The following C8orf34 variants were observed in gnomAD, a reference collection of about 807,000 sequenced individuals.
C8orf34 encodes uncharacterized protein C8orf34.
Under a neutral mutation model 68.3 loss-of-function variants are expected in C8orf34, and 65 were observed. That is an observed-to-expected ratio of 0.95 (90% confidence interval 0.78 to 1.17). C8orf34 has a LOEUF of 1.17. C8orf34 is among the 50% of genes most tolerant of loss of function. The pLI, the probability that C8orf34 is intolerant of heterozygous loss-of-function variation, is 0.00. For synonymous variants in C8orf34, 244 were observed against 241.2 expected (o/e 1.01, Z -0.11); for missense variants, 664 against 655.4 (o/e 1.01, Z -0.14).
In C8orf34 at chr8:68,539,378, GTAAT is replaced by G. The variant is rs566471394; in HGVS notation, c.1105+6235_1105+6238del. ...CGTGGTTGAAAATGTGCAAAGAAGTGTAATTAATTCAGCACTTGGTTGCATTTTA... is the reference window on the plus strand; with the variant it reads ...CGTGGTTGAAAATGTGCAAAGAAGTGTAATTCAGCACTTGGTTGCATTTTA... On this transcript the variant is annotated intron_variant, in intron 7 of 13. Transcript: ENST00000518698. 3.8e-3 allele frequency among the ~76,000 whole-genome samples: 578 copies of G among 152,244 alleles called. 2 individuals carry two copies. The highest frequency in any genetic ancestry group is 0.013 in the African/African-American group (557 of 41,538).
intron 5 of C8orf34, among the ~76,000 whole-genome samples, chr8:68,519,759 C>A (rs1033294943): frequency 2.6e-5 from 4 of 151,992 alleles, no homozygotes; most frequent in African/African-American, 9.7e-5. Context: ...TATGGTTTAA[C>A]TATGTTATTT....
chr8:68,532,870 G>A (rs1815306226), intron 6 of C8orf34, 113 bp from the exon 7 acceptor site: 2 of 698,662 alleles, frequency 2.9e-6, no homozygotes, highest in East Asian at 5.8e-5. Flanking sequence ...TTATCCTTGG[G>A]GAAAACTTTA....
intron 1 of C8orf34, among the ~76,000 whole-genome samples, chr8:68,358,986 C>G (rs964649586): frequency 5.3e-5 from 8 of 151,976 alleles, no homozygotes; most frequent in Non-Finnish European, 2.9e-5. Flanking sequence ...GGCGTGCACT[C>G]CCACAACTGG....
intron 7 of C8orf34, among the ~76,000 whole-genome samples, chr8:68,629,184 A>G (rs1177854364): frequency 6.6e-6 from 1 of 152,160 alleles, no homozygotes; most frequent in Admixed American, 6.5e-5. Context: ...TCTCAGCCAG[A>G]TGGTCTATAG....
chr8:68,646,815 T>G (rs1819187855), intron 8 of C8orf34, among the ~76,000 whole-genome samples: 1 of 152,196 alleles, frequency 6.6e-6, no homozygotes, highest in Non-Finnish European at 1.5e-5. Flanking sequence ...AAAGGCTAAA[T>G]AGTATTCCAT....
chr8:68,628,189 G>T (rs916634358), intron 7 of C8orf34, among the ~76,000 whole-genome samples: 1 of 151,966 alleles, frequency 6.6e-6, no homozygotes, highest in African/African-American at 2.4e-5. Context: ...TTAAACTAAG[G>T]TTAACCTAAA....
At chr8:68,466,502 A>T (rs1264008130) in intron 3 of C8orf34, among the ~76,000 whole-genome samples, 2 of 131,022 alleles carry the variant, frequency 1.5e-5, no homozygotes, top group Non-Finnish European at 3.4e-5. Flanking sequence ...TGTATACCTT[A>T]TATATTTGTA....
At chr8:68,365,141 T>A in intron 1 of C8orf34, among the ~76,000 whole-genome samples, 1 of 139,564 alleles carries the variant, frequency 7.2e-6, no homozygotes, top group African/African-American at 2.7e-5. Flanking sequence ...AACTAGAAAA[T>A]CTAGAAGAAA....
intron 4 of C8orf34, among the ~76,000 whole-genome samples, chr8:68,478,813 C>A (rs1393721566): frequency 6.6e-6 from 1 of 152,128 alleles, no homozygotes; most frequent in African/African-American, 2.4e-5. Flanking sequence ...TGGAACACTG[C>A]CCCCATGATC....
chr8:68,507,299 A>G (rs11986509), intron 5 of C8orf34, among the ~76,000 whole-genome samples: 35,399 of 152,070 alleles, frequency 0.23, 6,470 homozygotes, highest in African/African-American at 0.52. Flanking sequence ...GAACCCATTG[A>G]TTTATTACTT....
intron 8 of C8orf34, among the ~76,000 whole-genome samples, chr8:68,662,182 A>T (rs533263899): frequency 4.1e-4 from 63 of 152,212 alleles, no homozygotes; most frequent in Non-Finnish European, 7.6e-4. Context: ...AGCAAACAAA[A>T]GTTGTTTTGT....
rs539822474 is a variant in C8orf34, at chr8:68,587,279, T to C, written c.1106-53097T>C. Among the ~76,000 whole-genome samples, 5 of 152,148 alleles carry C rather than the reference T, an allele frequency of 3.3e-5. No homozygotes were observed. The South Asian group carries it at 1.0e-3, about 31-fold the overall frequency. Reference sequence around the variant, plus strand: ...AGTGCCATATTTAGGCACTAAATAATGGCAAAGCTTTAAGACATATTACTG... The same window carrying C: ...AGTGCCATATTTAGGCACTAAATAACGGCAAAGCTTTAAGACATATTACTG... On this transcript the variant is annotated intron_variant, in intron 7 of 13. Coordinates refer to ENST00000518698, the MANE Select transcript of C8orf34 (RefSeq NM_052958.4).
At chr8:68,445,358 T>C (rs1811077727) in intron 2 of C8orf34, among the ~76,000 whole-genome samples, 1 of 152,084 alleles carries the variant, frequency 6.6e-6, no homozygotes, top group South Asian at 2.1e-4. Context: ...CCCTACAGAA[T>C]GCCACATAGA....
intron 12 of C8orf34, among the ~76,000 whole-genome samples, chr8:68,789,804 G>C (rs1823942310): frequency 6.6e-6 from 1 of 152,026 alleles, no homozygotes; most frequent in Non-Finnish European, 1.5e-5. Flanking sequence ...ATGAATAACT[G>C]TTATAAAAGT....
At chr8:68,541,305 A>T (rs1336546683) in intron 7 of C8orf34, among the ~76,000 whole-genome samples, 1 of 152,018 alleles carries the variant, frequency 6.6e-6, no homozygotes, top group Non-Finnish European at 1.5e-5. Context: ...TTTATTAAAA[A>T]TTTAAAAAAA....
chr8:68,757,624 AAAATAAAT>A (rs150094375), intron 10 of C8orf34, among the ~76,000 whole-genome samples: 22 of 151,826 alleles, frequency 1.4e-4, no homozygotes, highest in Non-Finnish European at 2.5e-4. Flanking sequence ...CCGTCTCAAA[AAAATAAAT>A]AAATAAATAA....
chr8:68,494,255 A>G (rs1813429308), intron 5 of C8orf34, among the ~76,000 whole-genome samples: 1 of 152,246 alleles, frequency 6.6e-6, no homozygotes, highest in African/African-American at 2.4e-5. Context: ...AACTTATGCT[A>G]AGTGAAATAA....
At chr8:68,688,927 A>C (rs1820606054) in intron 8 of C8orf34, among the ~76,000 whole-genome samples, 1 of 152,082 alleles carries the variant, frequency 6.6e-6, no homozygotes, top group Non-Finnish European at 1.5e-5. Flanking sequence ...AACCATCATG[A>C]CACACATTTA....
intron 4 of C8orf34, among the ~76,000 whole-genome samples, chr8:68,473,143 C>A (rs1434762532): frequency 1.3e-5 from 2 of 152,080 alleles, no homozygotes; most frequent in Non-Finnish European, 2.9e-5. Flanking sequence ...ACAGACACAA[C>A]AAGAAGTGGG....
Sources: allele counts gnomAD v4.1 joint callset (sites outside exome capture counted in the v4.1 genomes callset), GRCh38; gene constraint gnomAD v4.1.1; transcripts MANE v1.5; gene names NCBI Gene and HGNC (gene_info 2026-07-23, HGNC 2026-07-21).